Variants in HDGFL3 observed in about 807,000 individuals in gnomAD.
The protein encoded by HDGFL3 is HDGF like 3.
Under a neutral mutation model 27.6 loss-of-function variants are expected in HDGFL3, and 6 were observed. The ratio of observed to expected loss-of-function variants is 0.22; its 90% confidence interval spans 0.12 to 0.43. HDGFL3 has a LOEUF of 0.43. Ranked by LOEUF, HDGFL3 falls within the 20% of genes least tolerant of loss-of-function variation. HDGFL3 has a pLI of 1.00. For synonymous variants in HDGFL3, 88 were observed against 88.9 expected (o/e 0.99, Z 0.05); for missense variants, 207 against 250.1 (o/e 0.83, Z 1.16).
intron 5 of HDGFL3, among the ~76,000 whole-genome samples, chr15:83,148,276 G>T (rs981610330): frequency 5.3e-5 from 8 of 152,048 alleles, no homozygotes; most frequent in African/African-American, 1.9e-4. Context: ...TCTTGTACAC[G>T]TATACTAGGA....
chr15:83,182,101 A>G lies in HDGFL3; in HGVS notation c.85-18026T>C, dbSNP rs139871773. ...ACATTTTCCCTGTACTCTCTACCAG[A>G]TATTTCCCTTTTCTCATAGTCTTTT... is the stretch of plus-strand genomic sequence containing the variant. On this transcript the variant is annotated intron_variant, in intron 1 of 5. Transcript: ENST00000299633. 4.1e-3 allele frequency among the ~76,000 whole-genome samples: 627 copies of G among 152,296 alleles called. 3 individuals are homozygous for G. Among genetic ancestry groups the G allele is most frequent in the Middle Eastern group, 0.014 (4 of 294 alleles).
In HDGFL3 at chr15:83,127,772, T is replaced by G. The variant is rs2035899204; in HGVS notation, c.*11498A>C. The G allele has an allele frequency of 1.2e-5, 4 of 320,498 alleles. No homozygotes were observed. Among genetic ancestry groups the G allele is most frequent in the African/African-American group, 6.7e-5 (3 of 45,040 alleles). The allele number at this position is 320,498 out of a possible 1,614,324, so 19.9% of individuals were successfully genotyped here. A position where few individuals can be genotyped will look rare whatever the true frequency, so the allele number is the denominator to read the frequency against. On this transcript the variant is annotated 3_prime_UTR_variant, in exon 6 of 6. Coordinates refer to ENST00000299633, the MANE Select transcript of HDGFL3 (RefSeq NM_016073.4). Reference sequence around the variant, plus strand: ...CCAGCATGTGGCATTGTTGTTTTATTGGACTGTTTCACAATCTCTGAATAC... The same window carrying G: ...CCAGCATGTGGCATTGTTGTTTTATGGGACTGTTTCACAATCTCTGAATAC...
chr15:83,136,342 G>A lies in HDGFL3; in HGVS notation c.*2928C>T, dbSNP rs2036604397. ...ACTCTGACATTAAAGACTCTGGATTGTTTGAAGGTATTTTGCCTGCAGGTG... is the reference window on the plus strand; with the variant it reads ...ACTCTGACATTAAAGACTCTGGATTATTTGAAGGTATTTTGCCTGCAGGTG... On this transcript the variant is annotated 3_prime_UTR_variant, in exon 6 of 6. Transcript: ENST00000299633. 2 of 562,324 alleles carry A rather than the reference G, an allele frequency of 3.6e-6. No homozygotes were observed. Among genetic ancestry groups the A allele is most frequent in the South Asian group, 7.4e-5 (2 of 27,052 alleles). 34.8% of individuals were successfully genotyped at this position (562,324 alleles called of 1,614,324 possible).
chr15:83,118,189 A>T (rs920165583), intron 3 of HDGFL3, among the ~76,000 whole-genome samples: 7 of 151,284 alleles, frequency 4.6e-5, no homozygotes, highest in African/African-American at 1.7e-4. Context: ...TCACCACTGC[A>T]CTCTAGACCG....
intron 4 of HDGFL3, among the ~76,000 whole-genome samples, chr15:83,154,265 G>A (rs2037000920): frequency 6.6e-6 from 1 of 151,860 alleles, no homozygotes; most frequent in African/African-American, 2.4e-5. Flanking sequence ...GAGCCCAGGG[G>A]GCAGAGGTTG....
chr15:83,161,142 G>C (rs781410827), intron 2 of HDGFL3, among the ~76,000 whole-genome samples: 14 of 152,204 alleles, frequency 9.2e-5, no homozygotes, highest in Non-Finnish European at 1.9e-4. Flanking sequence ...CTATGCTTAA[G>C]AAATAACTGT....
chr15:83,170,646 G>C (rs2037234110), intron 1 of HDGFL3, among the ~76,000 whole-genome samples: 1 of 152,082 alleles, frequency 6.6e-6, no homozygotes, highest in Non-Finnish European at 1.5e-5. Flanking sequence ...ACACCATTTT[G>C]GACACAGGCC....
intron 2 of HDGFL3, among the ~76,000 whole-genome samples, chr15:83,159,165 C>A (rs970378560): frequency 1.3e-5 from 2 of 152,056 alleles, no homozygotes; most frequent in African/African-American, 4.8e-5. Context: ...ATTAAAAAAT[C>A]ATTTTAGTGT....
At chr15:83,196,976 C>G (rs2037577626) in intron 1 of HDGFL3, among the ~76,000 whole-genome samples, 1 of 152,200 alleles carries the variant, frequency 6.6e-6, no homozygotes. Context: ...CTAGGGCATG[C>G]CCACTCTTGT....
rs1447345253 is a variant in HDGFL3, at chr15:83,130,191, A to G, written c.*9079T>C. 2 of 152,344 alleles carry G rather than the reference A, an allele frequency of 1.3e-5. No homozygotes were observed. Among genetic ancestry groups the G allele is most frequent in the African/African-American group, 4.8e-5 (2 of 41,464 alleles). The allele number at this position is 152,344 out of a possible 1,614,324, so 9.4% of individuals were successfully genotyped here. ...ATGGAAACAGCAGGAAAACCTAGGC[A>G]AAAGCCTAGTCACATGGCCAGGGTC... On this transcript the variant is annotated 3_prime_UTR_variant, in exon 6 of 6. Transcript: ENST00000299633.
At chr15:83,177,776 T>C (rs1403489202) in intron 1 of HDGFL3, among the ~76,000 whole-genome samples, 3 of 152,232 alleles carry the variant, frequency 2.0e-5, no homozygotes, top group Non-Finnish European at 4.4e-5. Flanking sequence ...ATGTATAATA[T>C]GTATATTATG....
In HDGFL3 at chr15:83,138,956, A is replaced by T. The variant is rs1248370035; in HGVS notation, c.*314T>A. The T allele has an allele frequency of 4.7e-6, 1 of 214,574 alleles. No individual in the cohort carries two copies. The highest frequency in any genetic ancestry group is 9.2e-6 in the Non-Finnish European group (1 of 109,004). 13.3% of individuals were successfully genotyped at this position (214,574 alleles called of 1,614,324 possible). A position where few individuals can be genotyped will look rare whatever the true frequency, so the allele number is the denominator to read the frequency against. Reference sequence around the variant, plus strand: ...GTGGGGTCAAGGCAGGAAAACGATGATCATAACTGCCTTGATAAAAGGATC... The same window carrying T: ...GTGGGGTCAAGGCAGGAAAACGATGTTCATAACTGCCTTGATAAAAGGATC... On this transcript the variant is annotated 3_prime_UTR_variant, in exon 6 of 6. Transcript: ENST00000299633.
Position 83,136,583 on chromosome 15 carries a change from T to A in HDGFL3, c.*2687A>T. On this transcript the variant is annotated 3_prime_UTR_variant, in exon 6 of 6. Coordinates refer to ENST00000299633, the MANE Select transcript of HDGFL3 (RefSeq NM_016073.4). ...CCTTTTTTTAGCATTAAACATAGCA[T>A]ATGGAGTTCTTCCTCAGCTCTTGGC... 1 of 1,613,858 alleles carries A rather than the reference T, an allele frequency of 6.2e-7. No homozygotes were observed. The highest frequency in any genetic ancestry group is 8.5e-7 in the Non-Finnish European group (1 of 1,179,868).
intron 5 of HDGFL3, among the ~76,000 whole-genome samples, chr15:83,142,408 A>G (rs1029014694): frequency 1.3e-5 from 2 of 152,212 alleles, no homozygotes; most frequent in Admixed American, 1.3e-4. Context: ...ATTATCCTTA[A>G]CAAACTAACA....
chr15:83,181,131 A>G (rs2037375880), intron 1 of HDGFL3: 1 of 152,170 alleles, frequency 6.6e-6, no homozygotes, highest in South Asian at 2.1e-4. Context: ...AACCCTAAAA[A>G]CATTGTCATT....
At chr15:83,159,794 G>A (rs1893855020) in intron 2 of HDGFL3, among the ~76,000 whole-genome samples, 1 of 152,212 alleles carries the variant, frequency 6.6e-6, no homozygotes, top group Admixed American at 6.5e-5. Context: ...GGTCAGTGTG[G>A]CTAGAGTGAA....
At chr15:83,151,117 T>C in intron 5 of HDGFL3, 98 bp downstream of exon 5, 1 of 1,118,568 alleles carries the variant, frequency 8.9e-7, no homozygotes, top group Non-Finnish European at 1.3e-6. Flanking sequence ...CTTCTCCATT[T>C]ATCAACACAA....
At chr15:83,146,807 A>G (rs1293891365) in intron 5 of HDGFL3, among the ~76,000 whole-genome samples, 1 of 152,202 alleles carries the variant, frequency 6.6e-6, no homozygotes, top group South Asian at 2.1e-4. Flanking sequence ...TCCCAAGTTC[A>G]TTCATTCTCT....
chr15:83,162,737 G>A (rs189737267), intron 2 of HDGFL3, among the ~76,000 whole-genome samples: 14 of 152,304 alleles, frequency 9.2e-5, no homozygotes, highest in Admixed American at 9.2e-4. Flanking sequence ...TGAGGAAGAT[G>A]TTGGGTGGCA....
Sources: gnomAD v4.1 joint callset for allele counts (sites outside exome capture counted in the v4.1 genomes callset) on GRCh38, gnomAD v4.1.1 for gene constraint, MANE v1.5 for transcripts, NCBI Gene and HGNC (gene_info 2026-07-23, HGNC 2026-07-21) for gene names.